Variants in ADCY10 observed in about 807,000 individuals in gnomAD.
ADCY10 encodes the protein adenylate cyclase type 10.
In ADCY10, 156 loss-of-function variants were observed where a neutral mutation model predicts 183.3. The ratio of observed to expected loss-of-function variants is 0.85; its 90% confidence interval spans 0.75 to 0.97. The LOEUF is 0.97. Among genes scored for constraint, ADCY10 ranks in the 50% least tolerant of loss-of-function variants. The probability of loss-of-function intolerance (pLI) is 0.00; values close to 1 mark genes in which losing one functional copy is unlikely to be tolerated. For synonymous variants in ADCY10, 645 were observed against 670.0 expected (o/e 0.96, Z 0.58); for missense variants, 1,745 against 1,934.3 (o/e 0.90, Z 1.84).
At chr1:167,884,260 G>A (rs189465979) in intron 8 of ADCY10, among the ~76,000 whole-genome samples, 2 of 152,314 alleles carry the variant, frequency 1.3e-5, no homozygotes, top group East Asian at 1.9e-4. Flanking sequence ...GCATGGCTGG[G>A]GAGGACTCAA....
chr1:167,850,366 T>C (rs1665373719), intron 18 of ADCY10, among the ~76,000 whole-genome samples: 1 of 152,038 alleles, frequency 6.6e-6, no homozygotes, highest in Admixed American at 6.5e-5. Context: ...AGGGAATCTG[T>C]GGAATAGTTC....
intron 7 of ADCY10, among the ~76,000 whole-genome samples, chr1:167,894,729 A>C (rs944294613): frequency 2.0e-5 from 3 of 152,128 alleles, no homozygotes; most frequent in Admixed American, 6.6e-5. Context: ...CATTTCAGTG[A>C]ATTACTGAAC....
At chr1:167,904,357 A>T (rs1669674239) in intron 2 of ADCY10, among the ~76,000 whole-genome samples, 1 of 152,002 alleles carries the variant, frequency 6.6e-6, no homozygotes, top group South Asian at 2.1e-4. Flanking sequence ...AAGTGTTGGG[A>T]TTGCAGGCGT....
At chr1:167,850,963 C>T (rs1346750135) in intron 18 of ADCY10, among the ~76,000 whole-genome samples, 2 of 151,964 alleles carry the variant, frequency 1.3e-5, no homozygotes, top group Admixed American at 6.6e-5. Context: ...AGGATAATCT[C>T]GTAATTCAAT....
At chr1:167,847,576 C>T (rs954663435) in intron 19 of ADCY10, among the ~76,000 whole-genome samples, 2 of 151,750 alleles carry the variant, frequency 1.3e-5, no homozygotes, top group South Asian at 2.1e-4. Flanking sequence ...CCACCATGCC[C>T]GGCTAATTTT....
At chr1:167,872,915 C>T (rs1388966064) in intron 13 of ADCY10, among the ~76,000 whole-genome samples, 1 of 151,376 alleles carries the variant, frequency 6.6e-6, no homozygotes, top group South Asian at 2.1e-4. Context: ...ACTAAAAATA[C>T]AAAAATTAGC....
intron 1 of ADCY10, among the ~76,000 whole-genome samples, chr1:167,910,563 G>A (rs921879775): frequency 6.6e-6 from 1 of 152,182 alleles, no homozygotes; most frequent in Non-Finnish European, 1.5e-5. Flanking sequence ...TCTCCTTGAG[G>A]TAGAAATTTG....
At chr1:167,878,052 G>C (rs1360248040) in intron 12 of ADCY10, among the ~76,000 whole-genome samples, 1 of 152,188 alleles carries the variant, frequency 6.6e-6, no homozygotes, top group African/African-American at 2.4e-5. Context: ...TAAAGACTTA[G>C]AGGAGAAATA....
chr1:167,895,675 A>C (rs1668922403), intron 7 of ADCY10, among the ~76,000 whole-genome samples: 3 of 152,218 alleles, frequency 2.0e-5, no homozygotes. Context: ...AGGACAAAAG[A>C]CTGAAGCGAA....
intron 8 of ADCY10, among the ~76,000 whole-genome samples, chr1:167,890,846 C>T (rs936773055): frequency 3.3e-5 from 5 of 152,146 alleles, no homozygotes; most frequent in East Asian, 3.8e-4. Context: ...CCCATTTTAC[C>T]GATTAGATAA....
chr1:167,829,673 G>A (rs561270103), intron 25 of ADCY10, among the ~76,000 whole-genome samples: 3 of 152,318 alleles, frequency 2.0e-5, no homozygotes, highest in Admixed American at 1.3e-4. Flanking sequence ...TCTGTCCTGA[G>A]TCAGGTAATT....
At chr1:167,823,993 A>G (rs1418333725) in intron 28 of ADCY10, among the ~76,000 whole-genome samples, 1 of 152,326 alleles carries the variant, frequency 6.6e-6, no homozygotes, top group African/African-American at 2.4e-5. Flanking sequence ...CAACCAGATT[A>G]GAGATGATGC....
At chr1:167,822,382 G>A (rs1662968359) in intron 29 of ADCY10, among the ~76,000 whole-genome samples, 1 of 152,204 alleles carries the variant, frequency 6.6e-6, no homozygotes, top group Non-Finnish European at 1.5e-5. Context: ...CCAGGCAGGT[G>A]TGGGGTTTAA....
chr1:167,845,575 G>A lies in ADCY10; in HGVS notation c.2995C>T (p.His999Tyr), dbSNP rs1478891584. Residue 999 changes from histidine (H) to tyrosine (Y), a missense_variant, in exon 21 of 33, where the codon CAT becomes TAT. Physicochemically the swap from His to Tyr is moderately conservative, Grantham distance 83 (BLOSUM62 2). Coordinates refer to ENST00000367851, the MANE Select transcript of ADCY10 (RefSeq NM_018417.6). ...MDAIKKMAMS[H>Y]GFKTEEKLIL... Reference sequence around the variant, plus strand: ...TGAAGTAGGTTACTTTTAAATCCATGAGACATAGCCATCTTTTTAATGGCA... The same window carrying A: ...TGAAGTAGGTTACTTTTAAATCCATAAGACATAGCCATCTTTTTAATGGCA... 5 of 1,614,118 alleles carry A rather than the reference G, an allele frequency of 3.1e-6. No homozygotes were observed. The South Asian group carries it at 5.5e-5, about 18-fold the overall frequency.
intron 24 of ADCY10, among the ~76,000 whole-genome samples, 179 bp from the exon 25 acceptor site, chr1:167,833,341 G>T (rs574129846): frequency 4.6e-5 from 7 of 152,284 alleles, no homozygotes; most frequent in Non-Finnish European, 2.9e-5. Flanking sequence ...ATGCATGAAG[G>T]GTGGTTGAAT....
intron 11 of ADCY10, 83 bp downstream of exon 11, chr1:167,880,032 T>C: frequency 1.7e-6 from 2 of 1,207,316 alleles, no homozygotes; most frequent in Non-Finnish European, 2.4e-6. Flanking sequence ...GTCTCACTCA[T>C]TTTTGTGCTT....
chr1:167,831,778 G>A (rs551213988), intron 25 of ADCY10, among the ~76,000 whole-genome samples: 17 of 152,128 alleles, frequency 1.1e-4, no homozygotes, highest in Non-Finnish European at 2.1e-4. Flanking sequence ...TAATTTTTAT[G>A]GAATGCATAT....
intron 21 of ADCY10, among the ~76,000 whole-genome samples, chr1:167,842,762 C>T (rs190211357): frequency 2.0e-5 from 3 of 152,102 alleles, no homozygotes; most frequent in Admixed American, 2.0e-4. Flanking sequence ...GGAGAGGGGC[C>T]GAGGAGTGGT....
At chr1:167,868,173 T>G (rs1666837102) in intron 14 of ADCY10, among the ~76,000 whole-genome samples, 1 of 152,146 alleles carries the variant, frequency 6.6e-6, no homozygotes, top group Non-Finnish European at 1.5e-5. Flanking sequence ...AGAAATTTGT[T>G]TTTGCAATTA....
Sources: gnomAD v4.1 joint callset for allele counts (sites outside exome capture counted in the v4.1 genomes callset) on GRCh38, gnomAD v4.1.1 for gene constraint, MANE v1.5 for transcripts, NCBI Gene and HGNC (gene_info 2026-07-23, HGNC 2026-07-21) for gene names.